The following TPO variants were observed in gnomAD, a reference collection of about 807,000 sequenced individuals.
TPO encodes thyroid microsomal antigen.
Under a neutral mutation model 96.9 loss-of-function variants are expected in TPO, and 78 were observed. That is an observed-to-expected ratio of 0.81 (90% CI 0.67 to 0.97). TPO has a LOEUF of 0.97. Among genes scored for constraint, TPO ranks in the 50% least tolerant of loss-of-function variants. TPO has a pLI of 0.00. For synonymous variants in TPO, 547 were observed against 538.0 expected (o/e 1.02, Z -0.23); for missense variants, 1,252 against 1,274.8 (o/e 0.98, Z 0.27).
At chr2:1,503,843 G>A (rs1245842794) in intron 13 of TPO, 105 bp from the exon 14 acceptor site, 1 of 1,599,888 alleles carries the variant, frequency 6.3e-7, no homozygotes, top group Admixed American at 1.7e-5. Flanking sequence ...GGCAGGCAAA[G>A]GGCTGACCTC....
At chr2:1,490,871 C>T (rs1671713831) in intron 10 of TPO, among the ~76,000 whole-genome samples, 1 of 152,190 alleles carries the variant, frequency 6.6e-6, no homozygotes, top group Non-Finnish European at 1.5e-5. Flanking sequence ...GTACAACCTT[C>T]CCCAAAACAC....
At position 1,385,634 on chromosome 2, in the gene TPO, A is replaced by T. The variant is rs184217356; in HGVS notation, n.180+11232A>T. ...TATTAGTCTTGCTAGCGGTCTATCA[A>T]TTTTGTTGATCTTTTCAAAAAAAAA... On this transcript the variant is annotated intron_variant and non_coding_transcript_variant, in intron 1 of 5. Coordinates refer to the TPO transcript ENST00000497517. Among the ~76,000 whole-genome samples the T allele has an allele frequency of 5.0e-3, 749 of 149,252 alleles. 4 individuals carry two copies. The highest frequency in any genetic ancestry group is 0.017 in the African/African-American group (684 of 40,684).
intron 1 of TPO, among the ~76,000 whole-genome samples, chr2:1,380,256 T>A (rs531475869): frequency 3.3e-5 from 5 of 151,740 alleles, no homozygotes; most frequent in Non-Finnish European, 7.4e-5. Context: ...TAGCAGGGCG[T>A]GGTGGCGGGC....
chr2:1,441,301 C>T (rs572230063), intron 5 of TPO, among the ~76,000 whole-genome samples: 1 of 152,290 alleles, frequency 6.6e-6, no homozygotes, highest in South Asian at 2.1e-4. Flanking sequence ...GCAGGACGTA[C>T]CATGTTGGAA....
At chr2:1,413,950 T>G (rs2148397106) in intron 1 of TPO, among the ~76,000 whole-genome samples, 1 of 152,374 alleles carries the variant, frequency 6.6e-6, no homozygotes, top group African/African-American at 2.4e-5. Context: ...ATAAGAATGC[T>G]TTAAGAAATT....
At chr2:1,393,897 G>A (rs1662041775) in intron 1 of TPO, among the ~76,000 whole-genome samples, 1 of 152,198 alleles carries the variant, frequency 6.6e-6, no homozygotes, top group Non-Finnish European at 1.5e-5. Flanking sequence ...TCTGAAAAGT[G>A]GAGCTACTAT....
At chr2:1,459,861 C>T (rs1291567184) in intron 7 of TPO, among the ~76,000 whole-genome samples, 2 of 152,262 alleles carry the variant, frequency 1.3e-5, no homozygotes, top group East Asian at 1.9e-4. Context: ...GGGCCCCTTG[C>T]TCTTCTCTGC....
At chr2:1,376,188 A>G (rs1391829753) in intron 1 of TPO, among the ~76,000 whole-genome samples, 2 of 152,138 alleles carry the variant, frequency 1.3e-5, no homozygotes, top group African/African-American at 4.8e-5. Flanking sequence ...ACCCGCCATC[A>G]CTGCACTGCC....
intron 13 of TPO, among the ~76,000 whole-genome samples, chr2:1,499,588 A>G (rs949868370): frequency 7.2e-6 from 1 of 139,564 alleles, no homozygotes; most frequent in East Asian, 2.4e-4. Flanking sequence ...GGGCCACCAC[A>G]ATCCCTGAGT....
intron 14 of TPO, among the ~76,000 whole-genome samples, chr2:1,506,579 A>G (rs1440017090): frequency 6.6e-6 from 1 of 152,144 alleles, no homozygotes; most frequent in African/African-American, 2.4e-5. Flanking sequence ...TGTCATTCCA[A>G]CTGGTGTGAG....
At chr2:1,518,582 T>G (rs976794530) in intron 15 of TPO, among the ~76,000 whole-genome samples, 1 of 152,250 alleles carries the variant, frequency 6.6e-6, no homozygotes, top group African/African-American at 2.4e-5. Context: ...ATGCCTGCAT[T>G]TGATGCATGA....
rs531229764 is a variant in TPO at position 1,527,923 on chromosome 2, C to G, written c.2618+10941C>G. On this transcript the variant is annotated intron_variant, in intron 15 of 16. Transcript: ENST00000329066. Reference sequence around the variant, plus strand: ...CCTCCTCAAATCCCCCCAATGTGAGCAACCTCCTCAAATCCCCCCACTGCG... The same window carrying G: ...CCTCCTCAAATCCCCCCAATGTGAGGAACCTCCTCAAATCCCCCCACTGCG... Among the ~76,000 whole-genome samples, 5 of 110,192 alleles carry G rather than the reference C, an allele frequency of 4.5e-5. No homozygotes were observed. The East Asian group carries it at 1.9e-3, about 41-fold the overall frequency. The allele number at this position is 110,192 out of a possible 152,430, so 72.3% of individuals were successfully genotyped here.
At chr2:1,488,575 T>A (rs1330135520) in intron 10 of TPO, among the ~76,000 whole-genome samples, 1 of 152,020 alleles carries the variant, frequency 6.6e-6, no homozygotes, top group African/African-American at 2.4e-5. Context: ...CAGGCCCACC[T>A]CAGCCTTCCC....
At chr2:1,382,652 G>A (rs1443607378) in intron 1 of TPO, among the ~76,000 whole-genome samples, 1 of 152,148 alleles carries the variant, frequency 6.6e-6, no homozygotes, top group Non-Finnish European at 1.5e-5. Flanking sequence ...TGCTAGGATT[G>A]TCACAACCAG....
rs373874992 is a variant in TPO at position 1,422,272 on chromosome 2, G to A, written c.95-773G>A. Among the ~76,000 whole-genome samples, 3 of 42,480 alleles carry A rather than the reference G, an allele frequency of 7.1e-5. No individual in the cohort carries two copies. In the East Asian group the frequency reaches 1.6e-3, roughly 22 times the overall value. The allele number at this position is 42,480 out of a possible 152,430, so 27.9% of individuals were successfully genotyped here. On this transcript the variant is annotated intron_variant, in intron 2 of 16. Coordinates refer to ENST00000329066, the MANE Select transcript of TPO (RefSeq NM_001206744.2). ...GGGTGGGGACGAGCATGGAAGGCGC[G>A]TGGGACTGAAGCCTTGAAGACCCCG...
chr2:1,452,512 G>A (rs531558913), intron 5 of TPO, among the ~76,000 whole-genome samples: 1 of 152,210 alleles, frequency 6.6e-6, no homozygotes, highest in Non-Finnish European at 1.5e-5. Context: ...CAGTTCAGCA[G>A]CAACCCTGTG....
intron 15 of TPO, among the ~76,000 whole-genome samples, chr2:1,527,066 CCT>C (rs1676726500): frequency 7.3e-6 from 1 of 137,552 alleles, no homozygotes. Flanking sequence ...CCTCAAATCC[CCT>C]CACTGTGTGC....
intron 5 of TPO, chr2:1,438,974 G>A: frequency 1.5e-6 from 1 of 657,642 alleles, no homozygotes; most frequent in Non-Finnish European, 2.8e-6. Context: ...CCTGGGTCCT[G>A]CAGTAGAGCC....
intron 11 of TPO, 88 bp downstream of exon 11, chr2:1,494,127 C>T (rs2124926272): frequency 3.1e-6 from 4 of 1,285,148 alleles, no homozygotes; most frequent in East Asian, 2.3e-5. Context: ...GACCTGCATT[C>T]ACATTCCGGC....
Sources: allele counts gnomAD v4.1 joint callset (sites outside exome capture counted in the v4.1 genomes callset), GRCh38; gene constraint gnomAD v4.1.1; transcripts MANE v1.5; gene names NCBI Gene and HGNC (gene_info 2026-07-23, HGNC 2026-07-21).